The following PRKN variants were observed in gnomAD, a reference collection of about 807,000 sequenced individuals.
PRKN encodes E3 ubiquitin-protein ligase parkin.
A neutral mutation model predicts 59.5 loss-of-function variants in PRKN; 56 were observed. The ratio of observed to expected loss-of-function variants is 0.94; its 90% CI spans 0.76 to 1.18. The LOEUF is 1.18. Among genes scored for constraint, PRKN ranks in the 50% most tolerant of loss-of-function variants. The probability of loss-of-function intolerance (pLI) is 0.00; values close to 1 mark genes in which losing one functional copy is unlikely to be tolerated. For synonymous variants in PRKN, 250 were observed against 222.1 expected (o/e 1.13, Z -1.12); for missense variants, 657 against 596.4 (o/e 1.10, Z -1.06).
At chr6:162,504,265 A>C (rs1583684724) in intron 1 of PRKN, among the ~76,000 whole-genome samples, 1 of 152,188 alleles carries the variant, frequency 6.6e-6, no homozygotes, top group East Asian at 1.9e-4. Flanking sequence ...AATACGAGAC[A>C]CGTGTTTTAG....
intron 4 of PRKN, among the ~76,000 whole-genome samples, 159 bp downstream of exon 4, chr6:162,200,972 C>T (rs1483492648): frequency 2.0e-5 from 3 of 152,196 alleles, no homozygotes; most frequent in Admixed American, 2.0e-4. Context: ...GACAAAGGCG[C>T]ATAAACGAAA....
intron 2 of PRKN, among the ~76,000 whole-genome samples, chr6:162,371,546 A>G (rs75391808): frequency 0.026 from 3,977 of 152,280 alleles, 162 homozygotes; most frequent in African/African-American, 0.091. Context: ...CTCATTTATA[A>G]ACATGAGAAT....
At chr6:161,732,737 A>C (rs1296510553) in intron 7 of PRKN, among the ~76,000 whole-genome samples, 1 of 152,154 alleles carries the variant, frequency 6.6e-6, no homozygotes, top group Non-Finnish European at 1.5e-5. Flanking sequence ...CATTCTTTTT[A>C]ATCAGCCATT....
intron 1 of PRKN, among the ~76,000 whole-genome samples, chr6:162,526,863 C>T (rs185376194): frequency 5.0e-4 from 76 of 152,190 alleles, no homozygotes; most frequent in African/African-American, 1.8e-3. Flanking sequence ...ATGTATGGCA[C>T]GTGGCTAATA....
chr6:162,285,722 C>T (rs988711309), intron 2 of PRKN, among the ~76,000 whole-genome samples: 3 of 152,202 alleles, frequency 2.0e-5, no homozygotes, highest in South Asian at 2.1e-4. Flanking sequence ...TCCTCTTCCC[C>T]GACACCAGAT....
rs1320141001 is a variant in PRKN, at chr6:161,442,237, G to A, written c.1084-55360C>T. ...AACTTCAATTTCTCTGAAATTGAAG[G>A]AGAATTATTTCTCCACTTCAAAAGT... On this transcript the variant is annotated intron_variant, in intron 9 of 11. Transcript: ENST00000366898. The surrounding 1 kb of genome is among the most constrained non-coding windows in gnomAD (Gnocchi z 4.6). 6.6e-6 allele frequency among the ~76,000 whole-genome samples: 1 copy of A among 152,074 alleles called. No individual in the cohort carries two copies. Among genetic ancestry groups the A allele is most frequent in the African/African-American group, 2.4e-5 (1 of 41,394 alleles).
chr6:161,543,578 C>T (rs1038228102), intron 9 of PRKN, among the ~76,000 whole-genome samples: 2 of 152,108 alleles, frequency 1.3e-5, no homozygotes, highest in Non-Finnish European at 2.9e-5. Context: ...GAAATTCTAT[C>T]GCATTTCCTT....
intron 7 of PRKN, among the ~76,000 whole-genome samples, chr6:161,680,875 C>G (rs1785335816): frequency 1.3e-5 from 2 of 149,636 alleles, no homozygotes; most frequent in South Asian, 2.1e-4. Context: ...AATACAACTG[C>G]AAAAAGTCAC....
chr6:162,650,144 A>G (rs1354973538), intron 1 of PRKN, among the ~76,000 whole-genome samples: 1 of 152,152 alleles, frequency 6.6e-6, no homozygotes, highest in African/African-American at 2.4e-5. Flanking sequence ...ACCAATATAT[A>G]CCGAAGTAGA....
chr6:162,410,416 A>G (rs753004178), intron 2 of PRKN, among the ~76,000 whole-genome samples: 6 of 152,170 alleles, frequency 3.9e-5, no homozygotes, highest in African/African-American at 9.7e-5. Flanking sequence ...ATTCACATGG[A>G]AAGTCCACAC....
At chr6:162,532,990 C>T (rs1778573707) in intron 1 of PRKN, among the ~76,000 whole-genome samples, 1 of 152,186 alleles carries the variant, frequency 6.6e-6, no homozygotes, top group Admixed American at 6.5e-5. Flanking sequence ...CAAACACTGA[C>T]AACCTAAACT....
intron 7 of PRKN, among the ~76,000 whole-genome samples, chr6:161,654,302 T>C (rs1331880691): frequency 6.6e-6 from 1 of 152,224 alleles, no homozygotes; most frequent in Non-Finnish European, 1.5e-5. Context: ...ATTTGGTTTA[T>C]GCTTACCCGT....
At chr6:161,652,580 C>T (rs1192335818) in intron 7 of PRKN, among the ~76,000 whole-genome samples, 2 of 152,126 alleles carry the variant, frequency 1.3e-5, no homozygotes, top group Admixed American at 6.5e-5. Context: ...TAAGGGATTA[C>T]TGACATTTAT....
intron 1 of PRKN, among the ~76,000 whole-genome samples, chr6:162,726,318 C>T (rs559894713): frequency 1.2e-4 from 18 of 152,194 alleles, no homozygotes; most frequent in Non-Finnish European, 2.1e-4. Flanking sequence ...AGACTGACAG[C>T]ACAGATATTG....
chr6:161,854,766 C>T (rs979146730), intron 6 of PRKN, among the ~76,000 whole-genome samples: 2 of 152,006 alleles, frequency 1.3e-5, no homozygotes, highest in South Asian at 2.1e-4. Flanking sequence ...GTGAAAAACT[C>T]GCATGTCTTA....
At chr6:162,134,680 A>G (rs76465719) in intron 4 of PRKN, among the ~76,000 whole-genome samples, 1 of 152,318 alleles carries the variant, frequency 6.6e-6, no homozygotes, top group African/African-American at 2.4e-5. Context: ...TTAGAGTGAA[A>G]GCTACTCTGA....
chr6:161,937,203 C>T (rs979097511), intron 6 of PRKN, among the ~76,000 whole-genome samples: 7 of 152,182 alleles, frequency 4.6e-5, no homozygotes, highest in African/African-American at 7.2e-5. Context: ...ATGGACTAAA[C>T]GGCTGCTATC....
At chr6:161,873,003 T>G (rs1430256818) in intron 6 of PRKN, among the ~76,000 whole-genome samples, 1 of 148,162 alleles carries the variant, frequency 6.7e-6, no homozygotes, top group African/African-American at 2.5e-5. Flanking sequence ...AGCTAGTGTG[T>G]GGCTGGTTGT....
At chr6:161,851,839 C>A (rs1196530970) in intron 6 of PRKN, among the ~76,000 whole-genome samples, 1 of 151,740 alleles carries the variant, frequency 6.6e-6, no homozygotes, top group Non-Finnish European at 1.5e-5. Flanking sequence ...GTAATCCCAG[C>A]ACTTTTGGAG....
Sources: gnomAD v4.1 joint callset for allele counts (sites outside exome capture counted in the v4.1 genomes callset) on GRCh38, gnomAD v4.1.1 for gene constraint, Gnocchi (gnomAD v3.1) non-coding constraint, MANE v1.5 for transcripts, NCBI Gene and HGNC (gene_info 2026-07-23, HGNC 2026-07-21) for gene names.